The following PCDHGB2 variants were observed in gnomAD, a reference collection of about 807,000 sequenced individuals.
PCDHGB2 encodes protocadherin gamma subfamily B, 2.
Under a neutral mutation model 59.3 loss-of-function variants are expected in PCDHGB2, and 55 were observed. The ratio of observed to expected loss-of-function variants is 0.93; its 90% CI spans 0.75 to 1.16. PCDHGB2 has a LOEUF of 1.16. Ranked by LOEUF, PCDHGB2 falls within the 50% of genes most tolerant of loss-of-function variation. The pLI is 0.00. For missense variants in PCDHGB2, 1,228 were observed against 1,198.5 expected (o/e 1.02, Z -0.36); for synonymous variants, 516 against 512.0 (o/e 1.01, Z -0.11).
Position 141,360,876 on chromosome 5 carries a change from C to G in PCDHGB2, c.741C>G (p.Tyr247Ter). ...DNPPVFSQDV[Y>*]RVTLREDVPP... ...CTCCAGTGTTCAGCCAGGACGTGTA[C>G]AGGGTCACCCTGAGGGAGGACGTGC... Residue 247 changes from tyrosine to a stop codon, truncating the protein, a stop_gained, in exon 1 of 4, where the codon TAC becomes TAG. Transcript: ENST00000522605. LOFTEE classifies it high-confidence loss of function. 6.2e-7 allele frequency: 1 copy of G among 1,614,008 alleles called. No individual in the cohort carries two copies. Among genetic ancestry groups the G allele is most frequent in the Middle Eastern group, 1.7e-4 (1 of 6,060 alleles).
chr5:141,403,974 A>G (rs1351754228), intron 1 of PCDHGB2: 1 of 1,613,872 alleles, frequency 6.2e-7, no homozygotes, highest in African/African-American at 1.3e-5. Flanking sequence ...GAAGATGTAA[A>G]TGACAATAGA....
intron 1 of PCDHGB2, chr5:141,371,956 A>C: frequency 6.2e-7 from 1 of 1,613,272 alleles, no homozygotes; most frequent in Non-Finnish European, 8.5e-7. Flanking sequence ...CGAGCCTTCG[A>C]CCACGAGCAG....
rs762881601 is a variant in PCDHGB2, at chr5:141,392,998, A to ACGGAGTC, written c.2421+30445_2421+30451dup. 1.9e-6 allele frequency: 3 copies of ACGGAGTC among 1,613,876 alleles called. No individual in the cohort carries two copies. In the East Asian group the frequency reaches 6.7e-5, roughly 36 times the overall value. On this transcript the variant is annotated intron_variant, in intron 1 of 3. Transcript: ENST00000522605. ...CTGGACCCCCGGAAGCTGGCGAAGCACGGAGTCCGTATCGTCTCCAGAGGT... is the reference window on the plus strand; with the variant it reads ...CTGGACCCCCGGAAGCTGGCGAAGCACGGAGTCCGGAGTCCGTATCGTCTCCAGAGGT...
Position 141,433,359 on chromosome 5 carries a change from CTAT to C in PCDHGB2, c.2422-61447_2422-61445del, listed in dbSNP as rs2097588942. 4 of 228,708 alleles carry C rather than the reference CTAT, an allele frequency of 1.7e-5. No homozygotes were observed. In the African/African-American group the frequency reaches 3.4e-4, roughly 19 times the overall value. The allele number at this position is 228,708 out of a possible 1,614,324, so 14.2% of individuals were successfully genotyped here. ...CAGGTGCAAGCCACCTACTGTCTGC[CTAT>C]CTATCTATCTATCTATCTATCTATC... On this transcript the variant is annotated intron_variant, in intron 1 of 3. Coordinates refer to ENST00000522605, the MANE Select transcript of PCDHGB2 (RefSeq NM_018923.3).
chr5:141,431,460 A>T lies in PCDHGB2; in HGVS notation c.2422-63347A>T, dbSNP rs761879594. On this transcript the variant is annotated intron_variant, in intron 1 of 3. Transcript: ENST00000522605. This position sits in a 1 kb window ranked among gnomAD's most constrained non-coding sequence, Gnocchi z 4.8. The stretch of plus-strand genomic sequence containing the variant: ...GCGCGCATCCGCGTGATGGTTCTGG[A>T]TGCGAACGACAACGCACCAGCGTTT... The T allele has an allele frequency of 6.2e-7, 1 of 1,613,794 alleles. No individual in the cohort carries two copies. The highest frequency in any genetic ancestry group is 1.7e-5 in the Admixed American group (1 of 60,032).
chr5:141,424,295 C>T (rs1481053072), intron 1 of PCDHGB2: 1 of 152,526 alleles, frequency 6.6e-6, no homozygotes, highest in East Asian at 1.9e-4. Flanking sequence ...TTTCTTCATC[C>T]TATCAACACA....
Position 141,362,497 on chromosome 5 carries a change from G to A in PCDHGB2, c.2362G>A (p.Glu788Lys). 1 of 1,613,986 alleles carries A rather than the reference G, an allele frequency of 6.2e-7. No homozygotes were observed. Among genetic ancestry groups the A allele is most frequent in the Non-Finnish European group, 8.5e-7 (1 of 1,179,894 alleles). The change falls in exon 1 of 4, where the codon GAA (glutamate) becomes AAA (lysine). Residue 788 changes from glutamate to lysine, a missense_variant. Glu to Lys is a moderately conservative substitution (Grantham distance 56). Coordinates refer to ENST00000522605, the MANE Select transcript of PCDHGB2 (RefSeq NM_018923.3). ...QDLVCDNASWEQNTNHGAAGV... is the reference protein window; with the variant it reads ...QDLVCDNASWKQNTNHGAAGV... Reference sequence around the variant, plus strand: ...TCTCGTCTGTGACAATGCCTCTTGGGAACAAAATACAAATCATGGAGCCGC... The same window carrying A: ...TCTCGTCTGTGACAATGCCTCTTGGAAACAAAATACAAATCATGGAGCCGC...
At chr5:141,438,418 G>C (rs2097959406) in intron 1 of PCDHGB2, among the ~76,000 whole-genome samples, 1 of 151,534 alleles carries the variant, frequency 6.6e-6, no homozygotes, top group Admixed American at 6.6e-5. Flanking sequence ...ATTTCACACA[G>C]TAGTTTGTAC....
rs1379875429 is a variant in PCDHGB2 at position 141,491,125 on chromosome 5, C to T, written c.2422-3682C>T. 3.1e-6 allele frequency: 5 copies of T among 1,614,020 alleles called. No homozygotes were observed. The highest frequency in any genetic ancestry group is 4.2e-6 in the Non-Finnish European group (5 of 1,179,992). ...CGTGTCTACACACACTGGTGAGGTG[C>T]GCACAGCCCGGGCCTTACTGGAGGA... On this transcript the variant is annotated intron_variant, in intron 1 of 3. Coordinates refer to ENST00000522605, the MANE Select transcript of PCDHGB2 (RefSeq NM_018923.3). The surrounding 1 kb of genome is among the most constrained non-coding windows in gnomAD (Gnocchi z 6.9).
intron 1 of PCDHGB2, chr5:141,404,821 A>C: frequency 6.2e-7 from 1 of 1,613,788 alleles, no homozygotes; most frequent in Non-Finnish European, 8.5e-7. Flanking sequence ...GGCTGCACAC[A>C]GGTGAAGTGC....
chr5:141,409,082 T>C (rs1332697516), intron 1 of PCDHGB2: 6 of 1,613,878 alleles, frequency 3.7e-6, no homozygotes, highest in African/African-American at 1.3e-5. Context: ...TATGTTCTCA[T>C]TGGATGAGAA....
At chr5:141,400,116 C>T in intron 1 of PCDHGB2, 2 of 1,614,086 alleles carry the variant, frequency 1.2e-6, no homozygotes, top group Non-Finnish European at 1.7e-6. Context: ...TTGCTGACAG[C>T]TTGCAGGAGG....
At chr5:141,450,055 G>A (rs1325291695) in intron 1 of PCDHGB2, among the ~76,000 whole-genome samples, 2 of 137,594 alleles carry the variant, frequency 1.5e-5, no homozygotes, top group Non-Finnish European at 3.0e-5. Flanking sequence ...CGCCCAGGCT[G>A]GAATGCAGTG....
At chr5:141,421,794 G>A in intron 1 of PCDHGB2, 1 of 1,613,788 alleles carries the variant, frequency 6.2e-7, no homozygotes, top group Non-Finnish European at 8.5e-7. Flanking sequence ...GAACGGATGG[G>A]GCCAAGAATC....
chr5:141,472,980 C>CAAAAAAAAA (rs60579131), intron 1 of PCDHGB2, among the ~76,000 whole-genome samples: 30 of 86,054 alleles, frequency 3.5e-4, no homozygotes, highest in African/African-American at 5.0e-4. Context: ...GAGTGAAACT[C>CAAAAAAAAA]AAAAAAAAAA....
At chr5:141,508,267 C>G (rs993402135) in intron 3 of PCDHGB2, 5 of 152,336 alleles carry the variant, frequency 3.3e-5, no homozygotes, top group African/African-American at 9.6e-5. Context: ...AAGAGAAAAT[C>G]CCGGTCCTTG....
At chr5:141,384,440 T>C (rs766102464) in intron 1 of PCDHGB2, 6 of 1,614,046 alleles carry the variant, frequency 3.7e-6, no homozygotes, top group Non-Finnish European at 4.2e-6. Context: ...ACTGGAGTCC[T>C]GTACGCGCTG....
intron 1 of PCDHGB2, chr5:141,415,330 A>G (rs1326574664): frequency 1.2e-6 from 2 of 1,614,094 alleles, no homozygotes; most frequent in African/African-American, 2.7e-5. Context: ...GCTGGCGCAC[A>G]GGCTGCGGCG....
chr5:141,374,769 T>C, intron 1 of PCDHGB2: 1 of 1,613,762 alleles, frequency 6.2e-7, no homozygotes. Context: ...GCCCAAATTC[T>C]GGTAACAGTT....
Sources: gnomAD v4.1 joint callset for allele counts (sites outside exome capture counted in the v4.1 genomes callset) on GRCh38, gnomAD v4.1.1 for gene constraint, Gnocchi (gnomAD v3.1) non-coding constraint, MANE v1.5 for transcripts, NCBI Gene and HGNC (gene_info 2026-07-23, HGNC 2026-07-21) for gene names.